PIK3R5: variants seen among roughly 807,000 people sequenced by gnomAD.
PIK3R5 encodes the protein phosphoinositide-3-kinase regulatory subunit 5, also known as phosphoinositide 3-kinase regulatory subunit 5.
A neutral mutation model predicts 94.9 loss-of-function variants in PIK3R5; 32 were observed. The observed-to-expected ratio is 0.34, with a 90% confidence interval of 0.25 to 0.45. The LOEUF is 0.45. Ranked by LOEUF, PIK3R5 falls within the 20% of genes least tolerant of loss-of-function variation. The pLI, the probability that PIK3R5 is intolerant of heterozygous loss-of-function variation, is 1.00. For missense variants in PIK3R5, 853 were observed against 1,144.6 expected (o/e 0.75, Z 3.68); for synonymous variants, 443 against 479.4 (o/e 0.92, Z 0.99).
At position 8,904,922 on chromosome 17, in the gene PIK3R5, T is replaced by C. The variant is rs2151399816; in HGVS notation, c.274-7A>G. ...CTGGTGGGAAGTGTGGTGTCTAGGA[T>C]GGAGGCAGGCAACAAGCAAAGAGAT... On this transcript the variant is annotated splice_polypyrimidine_tract_variant and splice_region_variant and intron_variant, in intron 4 of 18. Transcript: ENST00000447110. This position sits in a 1 kb window ranked among gnomAD's most constrained non-coding sequence, Gnocchi z 5.1. 1 of 1,611,790 alleles carries C rather than the reference T, an allele frequency of 6.2e-7. No homozygotes were observed. Among genetic ancestry groups the C allele is most frequent in the East Asian group, 2.2e-5 (1 of 44,886 alleles).
intron 1 of PIK3R5, among the ~76,000 whole-genome samples, chr17:8,929,786 A>G (rs1440995214): frequency 1.3e-5 from 2 of 152,148 alleles, no homozygotes; most frequent in Non-Finnish European, 2.9e-5. Flanking sequence ...ACAGAGTTGT[A>G]TAACGGACAT....
Position 8,959,202 on chromosome 17 carries a change from A to G in PIK3R5, c.-14+6394T>C, listed in dbSNP as rs1278225462. ...GGGTTCTCACCAGTGAGTCGCTACCAGTGTCCTCTACACAGTTTTCATTAT... is the reference window on the plus strand; with the variant it reads ...GGGTTCTCACCAGTGAGTCGCTACCGGTGTCCTCTACACAGTTTTCATTAT... On this transcript the variant is annotated intron_variant, in intron 1 of 18. Transcript: ENST00000447110. Among the ~76,000 whole-genome samples the G allele has an allele frequency of 3.3e-5, 5 of 152,314 alleles. No homozygotes were observed. The East Asian group carries it at 7.7e-4, about 24-fold the overall frequency.
chr17:8,884,695 C>A lies in PIK3R5; in HGVS notation c.2205+12G>T, dbSNP rs765149765. 6.2e-7 allele frequency: 1 copy of A among 1,606,648 alleles called. No homozygotes were observed. The highest frequency in any genetic ancestry group is 8.5e-7 in the Non-Finnish European group (1 of 1,173,566). ...GATCCTGGAGGGGAAGGAGCCCCAGCACGGGTCTTACCTTGCTGTAAATAA... is the reference window on the plus strand; with the variant it reads ...GATCCTGGAGGGGAAGGAGCCCCAGAACGGGTCTTACCTTGCTGTAAATAA... On this transcript the variant is annotated intron_variant, in intron 15 of 18. Transcript: ENST00000447110. The surrounding 1 kb of genome is among the most constrained non-coding windows in gnomAD (Gnocchi z 5.8).
In PIK3R5 at chr17:8,884,781, G is replaced by A; in HGVS notation, c.2131C>T (p.Pro711Ser). Residue 711 changes from proline to serine, a missense_variant and splice_region_variant, in exon 15 of 19, where the codon CCT becomes TCT. By Grantham distance (74) the Pro-to-Ser change is moderately conservative. Transcript: ENST00000447110. The surrounding 1 kb of genome is among the most constrained non-coding windows in gnomAD (Gnocchi z 5.8). The part of the protein sequence containing the change: ...AATRAIKASG[P>S]GSKRLGIDGD... ...TCGATGCCCAGCCGCTTGCTGCCAG[G>A]ACCTGTGCCACACACAGACAGACCC... 12 of 1,612,670 alleles carry A rather than the reference G, an allele frequency of 7.4e-6. No homozygotes were observed. Among genetic ancestry groups the A allele is most frequent in the Non-Finnish European group, 1.0e-5 (12 of 1,179,496 alleles).
chr17:8,961,930 G>A (rs1005684398), intron 1 of PIK3R5, among the ~76,000 whole-genome samples: 1 of 152,168 alleles, frequency 6.6e-6, no homozygotes. Context: ...TCACTTAACC[G>A]ATAACCTCAA....
intron 1 of PIK3R5, among the ~76,000 whole-genome samples, chr17:8,929,659 G>C (rs571589974): frequency 6.6e-6 from 1 of 152,218 alleles, no homozygotes; most frequent in East Asian, 1.9e-4. Context: ...GTCCTTTGCA[G>C]CAGCATGGAT....
chr17:8,910,956 C>T (rs2090512808), intron 2 of PIK3R5, among the ~76,000 whole-genome samples: 1 of 152,144 alleles, frequency 6.6e-6, no homozygotes, highest in African/African-American at 2.4e-5. Flanking sequence ...ACATAGAGGC[C>T]TCCTGCTCTC....
chr17:8,954,355 G>A (rs1418196759), intron 1 of PIK3R5, among the ~76,000 whole-genome samples: 1 of 152,194 alleles, frequency 6.6e-6, no homozygotes, highest in Non-Finnish European at 1.5e-5. Flanking sequence ...GGCACCCCCT[G>A]GTGATGTTCG....
intron 1 of PIK3R5, among the ~76,000 whole-genome samples, chr17:8,959,261 C>CT (rs1367428294): frequency 6.6e-6 from 1 of 152,232 alleles, no homozygotes; most frequent in African/African-American, 2.4e-5. Context: ...CTGACAACAG[C>CT]TTCCTCCCAC....
In PIK3R5 at chr17:8,919,532, T is replaced by C. The variant is rs528523508; in HGVS notation, c.-13-8025A>G. 4.6e-5 allele frequency among the ~76,000 whole-genome samples: 7 copies of C among 152,366 alleles called. No individual in the cohort carries two copies. The South Asian group carries it at 1.4e-3, about 32-fold the overall frequency. ...GGGATTTAAGGGCTGTCTTTGAGAA[T>C]GTTCAAGTTATGTTTTCATTTTAAT... On this transcript the variant is annotated intron_variant, in intron 1 of 18. Coordinates refer to ENST00000447110, the MANE Select transcript of PIK3R5 (RefSeq NM_001142633.3).
chr17:8,949,138 G>A (rs2091330162), intron 1 of PIK3R5, among the ~76,000 whole-genome samples: 2 of 152,334 alleles, frequency 1.3e-5, no homozygotes, highest in South Asian at 4.1e-4. Context: ...CTGAAGGGTA[G>A]GCATGACATG....
chr17:8,920,673 A>C (rs2090723324), intron 1 of PIK3R5, among the ~76,000 whole-genome samples: 1 of 152,178 alleles, frequency 6.6e-6, no homozygotes, highest in African/African-American at 2.4e-5. Flanking sequence ...GTTTTCTGAC[A>C]ATATCATTCA....
At chr17:8,938,739 T>C (rs2091120854) in intron 1 of PIK3R5, among the ~76,000 whole-genome samples, 1 of 152,260 alleles carries the variant, frequency 6.6e-6, no homozygotes, top group South Asian at 2.1e-4. Flanking sequence ...GAGTAATATT[T>C]CACTGTGTGG....
intron 1 of PIK3R5, among the ~76,000 whole-genome samples, chr17:8,922,869 A>G (rs1342777432): frequency 6.6e-6 from 1 of 152,116 alleles, no homozygotes; most frequent in Admixed American, 6.5e-5. Context: ...AGGTCCAGGG[A>G]AGGCAGAAGA....
At position 8,909,113 on chromosome 17, in the gene PIK3R5, G is replaced by A. The variant is rs2090465865; in HGVS notation, c.165C>T (p.Phe55=). 6.2e-7 allele frequency: 1 copy of A among 1,609,788 alleles called. No homozygotes were observed. Among genetic ancestry groups the A allele is most frequent in the Admixed American group, 1.7e-5 (1 of 59,740 alleles). Residue 55 remains phenylalanine (F), a synonymous_variant, in exon 3 of 19, where the codon TTC becomes TTT. Transcript: ENST00000447110. This position sits in a 1 kb window ranked among gnomAD's most constrained non-coding sequence, Gnocchi z 4.3. Reference sequence around the variant, plus strand: ...GCAGGATCTGCTCAAGGAGGATAAGGAAGTGGCCCGGGTCCCTGCTGACCA... The same window carrying A: ...GCAGGATCTGCTCAAGGAGGATAAGAAAGTGGCCCGGGTCCCTGCTGACCA... ...QELVSRDPGH[F]LILLEQILQK...
At chr17:8,947,178 A>T (rs1416285392) in intron 1 of PIK3R5, among the ~76,000 whole-genome samples, 1 of 152,234 alleles carries the variant, frequency 6.6e-6, no homozygotes, top group Non-Finnish European at 1.5e-5. Context: ...GCCAAGGTTT[A>T]GGACTGGCAG....
At position 8,888,593 on chromosome 17, in the gene PIK3R5, GC is replaced by G. The variant is rs745417564; in HGVS notation, c.1193del (p.Ser398ThrfsTer56). Reference protein sequence around the residue: ...DSGYVEDSEESSSEWPWRRGS... With the variant: ...DSGYVEDSEEXSSEWPWRRGS... ...CACGCCTCCAAGGCCACTCGGAGGA[GC>G]TCTCCTCGCTGTCCTCCACGTAGCC... is the stretch of plus-strand genomic sequence containing the variant. On this transcript the variant is annotated frameshift_variant, in exon 10 of 19. Transcript: ENST00000447110. LOFTEE classifies it high-confidence loss of function. This position sits in a 1 kb window ranked among gnomAD's most constrained non-coding sequence, Gnocchi z 7.8. The G allele has an allele frequency of 6.2e-7, 1 of 1,612,212 alleles. No individual in the cohort carries two copies. The highest frequency in any genetic ancestry group is 1.1e-5 in the South Asian group (1 of 90,988).
At chr17:8,917,592 A>G (rs893272444) in intron 1 of PIK3R5, among the ~76,000 whole-genome samples, 2 of 152,218 alleles carry the variant, frequency 1.3e-5, no homozygotes, top group African/African-American at 4.8e-5. Flanking sequence ...GGGGCCGGGC[A>G]TGGTGACTCA....
chr17:8,926,355 C>A (rs930806729), intron 1 of PIK3R5, among the ~76,000 whole-genome samples: 2 of 152,070 alleles, frequency 1.3e-5, no homozygotes, highest in African/African-American at 4.8e-5. Flanking sequence ...TCCAAAAGAA[C>A]CCTAAGGTTC....
Sources: gnomAD v4.1 joint callset for allele counts (sites outside exome capture counted in the v4.1 genomes callset) on GRCh38, gnomAD v4.1.1 for gene constraint, Gnocchi (gnomAD v3.1) non-coding constraint, MANE v1.5 for transcripts, NCBI Gene and HGNC (gene_info 2026-07-23, HGNC 2026-07-21) for gene names.